P4HB: variants seen among roughly 807,000 people sequenced by gnomAD.
The protein encoded by P4HB is prolyl 4-hydroxylase subunit beta, also known as protein disulfide-isomerase.
A neutral mutation model predicts 52.6 loss-of-function variants in P4HB; 20 were observed. That is an observed-to-expected ratio of 0.38 (90% CI 0.27 to 0.55). The LOEUF is 0.55. Among genes scored for constraint, P4HB ranks in the 20% least tolerant of loss-of-function variants. The pLI is 0.74. For synonymous variants in P4HB, 296 were observed against 277.9 expected (o/e 1.07, Z -0.65); for missense variants, 601 against 669.2 (o/e 0.90, Z 1.12).
Position 81,855,056 on chromosome 17 carries a change from G to T in P4HB, c.624+86C>A, listed in dbSNP as rs1182490339. The T allele has an allele frequency of 7.4e-7, 1 of 1,358,804 alleles. No homozygotes were observed. The highest frequency in any genetic ancestry group is 2.3e-5 in the East Asian group (1 of 43,466). 84.2% of individuals were successfully genotyped at this position (1,358,804 alleles called of 1,614,324 possible). On this transcript the variant is annotated intron_variant, in intron 4 of 10. Transcript: ENST00000331483. This position sits in a 1 kb window ranked among gnomAD's most constrained non-coding sequence, Gnocchi z 4.3. Reference sequence around the variant, plus strand: ...TTGGGCCAAAGGTGCCAGGAGCAAGGTTCCCTTAACGATAAGGAGAGCAAC... The same window carrying T: ...TTGGGCCAAAGGTGCCAGGAGCAAGTTTCCCTTAACGATAAGGAGAGCAAC...
chr17:81,851,541 C>A (rs2038830871), intron 4 of P4HB, among the ~76,000 whole-genome samples: 1 of 152,244 alleles, frequency 6.6e-6, no homozygotes, highest in African/African-American at 2.4e-5. Context: ...GGAGGGAATC[C>A]TTTGGAACAT....
chr17:81,845,100 G>T, intron 10 of P4HB, 44 bp downstream of exon 10: 1 of 1,459,254 alleles, frequency 6.9e-7, no homozygotes, highest in East Asian at 2.3e-5. Context: ...TGGGGCCAAG[G>T]GGCTGAATCC....
At chr17:81,856,697 G>T (rs1224697661) in intron 2 of P4HB, among the ~76,000 whole-genome samples, 2 of 146,114 alleles carry the variant, frequency 1.4e-5, no homozygotes, top group Non-Finnish European at 3.0e-5. Context: ...GTCCAGGCTG[G>T]AGAATGCAGT....
At position 81,843,213 on chromosome 17, in the gene P4HB, T is replaced by C. The variant is rs1218490835; in HGVS notation, c.*799A>G. 3.0e-6 allele frequency: 1 copy of C among 330,844 alleles called. No individual in the cohort carries two copies. Among genetic ancestry groups the C allele is most frequent in the Non-Finnish European group, 5.5e-6 (1 of 183,388 alleles). 20.5% of individuals were successfully genotyped at this position (330,844 alleles called of 1,614,324 possible). ...CAATGTGTTCAATTCGATTGTGAAA[T>C]AGAAATGCCTGAAGAACTGTCAGCG... On this transcript the variant is annotated 3_prime_UTR_variant, in exon 11 of 11. Coordinates refer to ENST00000331483, the MANE Select transcript of P4HB (RefSeq NM_000918.4).
At position 81,855,817 on chromosome 17, in the gene P4HB, T is replaced by A; in HGVS notation, c.353-231A>T. The A allele has an allele frequency of 4.1e-6, 2 of 486,698 alleles. No homozygotes were observed. Among genetic ancestry groups the A allele is most frequent in the East Asian group, 6.6e-5 (2 of 30,224 alleles). The allele number at this position is 486,698 out of a possible 1,614,324, so 30.1% of individuals were successfully genotyped here. A position where few individuals can be genotyped will look rare whatever the true frequency, so the allele number is the denominator to read the frequency against. On this transcript the variant is annotated intron_variant, in intron 2 of 10. Transcript: ENST00000331483. The surrounding 1 kb of genome is among the most constrained non-coding windows in gnomAD (Gnocchi z 4.3). ...GGGAGTGGAGAGGGAAGAGGGTGAT[T>A]CTGTCTCTGAATAACAGGATCACAA... is the stretch of plus-strand genomic sequence containing the variant.
intron 4 of P4HB, among the ~76,000 whole-genome samples, chr17:81,853,835 C>T (rs1168609948): frequency 6.6e-6 from 1 of 152,212 alleles, no homozygotes; most frequent in Non-Finnish European, 1.5e-5. Context: ...CTGAGCGGCA[C>T]AAACCCACCA....
chr17:81,850,455 C>T (rs976208755), intron 4 of P4HB, among the ~76,000 whole-genome samples: 1 of 150,920 alleles, frequency 6.6e-6, no homozygotes, highest in East Asian at 2.0e-4. Context: ...TTTTAAAATA[C>T]TTATTTATTT....
intron 10 of P4HB, 32 bp from the exon 11 acceptor site, chr17:81,844,124 G>C: frequency 1.3e-6 from 2 of 1,495,760 alleles, no homozygotes; most frequent in Non-Finnish European, 1.9e-6. Flanking sequence ...GGGGCGGGCA[G>C]GTTGGCTGCA....
chr17:81,846,831 C>T lies in P4HB; in HGVS notation c.855+116G>A. The T allele has an allele frequency of 1.5e-6, 2 of 1,375,574 alleles. No homozygotes were observed. The highest frequency in any genetic ancestry group is 2.0e-6 in the Non-Finnish European group (2 of 986,864). 85.2% of individuals were successfully genotyped at this position (1,375,574 alleles called of 1,614,324 possible). Reference sequence around the variant, plus strand: ...CGCCTACATCCAGGCTGTCCTGAATCAGGTGCCCGATCCAGTCCAGCAGGC... The same window carrying T: ...CGCCTACATCCAGGCTGTCCTGAATTAGGTGCCCGATCCAGTCCAGCAGGC... On this transcript the variant is annotated intron_variant, in intron 6 of 10. Transcript: ENST00000331483. The surrounding 1 kb of genome is among the most constrained non-coding windows in gnomAD (Gnocchi z 5.7).
At chr17:81,854,469 G>A (rs2038882125) in intron 4 of P4HB, among the ~76,000 whole-genome samples, 1 of 151,666 alleles carries the variant, frequency 6.6e-6, no homozygotes, top group South Asian at 2.1e-4. Context: ...TTGAGCCTGG[G>A]AAGCAGAAGT....
At chr17:81,847,733 A>G in intron 4 of P4HB, 1 of 228,360 alleles carries the variant, frequency 4.4e-6, no homozygotes, top group Non-Finnish European at 9.0e-6. Flanking sequence ...GCTGGAGTGC[A>G]GTGGCATGAT....
intron 4 of P4HB, among the ~76,000 whole-genome samples, chr17:81,850,937 C>CTT (rs1200513966): frequency 1.4e-5 from 2 of 144,758 alleles, no homozygotes; most frequent in African/African-American, 2.5e-5. Flanking sequence ...CCCCTTGAAC[C>CTT]TTTTTTTTTT....
At position 81,855,139 on chromosome 17, in the gene P4HB, C is replaced by G. The variant is rs376935940; in HGVS notation, c.624+3G>C. On this transcript the variant is annotated splice_donor_region_variant and intron_variant, in intron 4 of 10. Coordinates refer to ENST00000331483, the MANE Select transcript of P4HB (RefSeq NM_000918.4). This position sits in a 1 kb window ranked among gnomAD's most constrained non-coding sequence, Gnocchi z 4.3. The stretch of plus-strand genomic sequence containing the variant: ...CTGGGCAGAGCTGCCTGGGGCCACT[C>G]ACCTTCTTAAAGAGGACAACCCCAT... 3 of 1,614,040 alleles carry G rather than the reference C, an allele frequency of 1.9e-6. No homozygotes were observed. The highest frequency in any genetic ancestry group is 2.5e-6 in the Non-Finnish European group (3 of 1,179,996).
At chr17:81,852,152 C>T (rs559971575) in intron 4 of P4HB, among the ~76,000 whole-genome samples, 1 of 152,322 alleles carries the variant, frequency 6.6e-6, no homozygotes, top group African/African-American at 2.4e-5. Flanking sequence ...CACCGCACTC[C>T]AGCCTGGTAA....
In P4HB at chr17:81,855,328, G is replaced by A; in HGVS notation, c.487-49C>T. 4 of 1,612,142 alleles carry A rather than the reference G, an allele frequency of 2.5e-6. No individual in the cohort carries two copies. The highest frequency in any genetic ancestry group is 3.4e-6 in the Non-Finnish European group (4 of 1,178,942). On this transcript the variant is annotated intron_variant, in intron 3 of 10. Coordinates refer to ENST00000331483, the MANE Select transcript of P4HB (RefSeq NM_000918.4). The surrounding 1 kb of genome is among the most constrained non-coding windows in gnomAD (Gnocchi z 4.3). Reference sequence around the variant, plus strand: ...GGTCGTCATGATCCCGCAGCACCAAGCAGTAGGGCAGACCCTGTAGAGCCC... The same window carrying A: ...GGTCGTCATGATCCCGCAGCACCAAACAGTAGGGCAGACCCTGTAGAGCCC...
chr17:81,846,062 C>A lies in P4HB; in HGVS notation c.1057-71G>T. Reference sequence around the variant, plus strand: ...ACCACAGAGCTCCCCAACCCTCACCCTGCCCGGGACTGAGGTGCGTGGCTG... The same window carrying A: ...ACCACAGAGCTCCCCAACCCTCACCATGCCCGGGACTGAGGTGCGTGGCTG... On this transcript the variant is annotated intron_variant, in intron 7 of 10. Transcript: ENST00000331483. This position sits in a 1 kb window ranked among gnomAD's most constrained non-coding sequence, Gnocchi z 5.7. 16 of 1,481,382 alleles carry A rather than the reference C, an allele frequency of 1.1e-5. No homozygotes were observed. Among genetic ancestry groups the A allele is most frequent in the African/African-American group, 1.4e-5 (1 of 71,142 alleles). 91.8% of individuals were successfully genotyped at this position (1,481,382 alleles called of 1,614,324 possible). A position where few individuals can be genotyped will look rare whatever the true frequency, so the allele number is the denominator to read the frequency against.
At chr17:81,845,010 G>T in intron 10 of P4HB, 134 bp downstream of exon 10, 1 of 729,266 alleles carries the variant, frequency 1.4e-6, no homozygotes, top group Non-Finnish European at 2.3e-6. Context: ...AAGGTGTGGG[G>T]CCCCAGAGCC....
chr17:81,855,700 T>A lies in P4HB; in HGVS notation c.353-114A>T. On this transcript the variant is annotated intron_variant, in intron 2 of 10. Coordinates refer to ENST00000331483, the MANE Select transcript of P4HB (RefSeq NM_000918.4). The surrounding 1 kb of genome is among the most constrained non-coding windows in gnomAD (Gnocchi z 4.3). ...CAGGCTGAGGACACCTGAATCAACC[T>A]AAGTAAGATGTTCTCCCACCATGGA... The A allele has an allele frequency of 8.0e-7, 1 of 1,246,488 alleles. No homozygotes were observed. The highest frequency in any genetic ancestry group is 1.1e-6 in the Non-Finnish European group (1 of 909,454). 77.2% of individuals were successfully genotyped at this position (1,246,488 alleles called of 1,614,324 possible). A position where few individuals can be genotyped will look rare whatever the true frequency, so the allele number is the denominator to read the frequency against.
chr17:81,847,048 C>G lies in P4HB; in HGVS notation c.754G>C (p.Glu252Gln), dbSNP rs2038746364. The G allele has an allele frequency of 2.5e-6, 4 of 1,614,088 alleles. No individual in the cohort carries two copies. Among genetic ancestry groups the G allele is most frequent in the Non-Finnish European group, 3.4e-6 (4 of 1,180,030 alleles). The change falls in exon 6 of 11, where the codon GAA becomes CAA. Residue 252 changes from glutamate (E) to glutamine (Q), a missense_variant. Physicochemically the swap from Glu to Gln is conservative, Grantham distance 29. Transcript: ENST00000331483. The stretch of plus-strand genomic sequence containing the variant: ...AACAGCAGGATGTGAGTCTTGATTT[C>G]ACCTCCAAAAATCTTCGGGGCTGTC... ...EQTAPKIFGG[E>Q]IKTHILLFLP...
Sources: allele counts gnomAD v4.1 joint callset (sites outside exome capture counted in the v4.1 genomes callset), GRCh38; gene constraint gnomAD v4.1.1; non-coding constraint Gnocchi (gnomAD v3.1); transcripts MANE v1.5; gene names NCBI Gene and HGNC (gene_info 2026-07-23, HGNC 2026-07-21).